The following PLPPR2 variants were observed in gnomAD, a reference collection of about 807,000 sequenced individuals.
PLPPR2 encodes the protein phospholipid phosphatase related 2, also known as phospholipid phosphatase-related protein type 2.
In PLPPR2, 11 loss-of-function variants were observed where a neutral mutation model predicts 40.3. The ratio of observed to expected loss-of-function variants is 0.27; its 90% confidence interval spans 0.17 to 0.45. PLPPR2 has a LOEUF of 0.45. Among genes scored for constraint, PLPPR2 ranks in the 20% least tolerant of loss-of-function variants. The probability of loss-of-function intolerance (pLI) is 1.00; values close to 1 mark genes in which losing one functional copy is unlikely to be tolerated. For synonymous variants in PLPPR2, 260 were observed against 290.8 expected (o/e 0.89, Z 1.08); for missense variants, 497 against 640.7 (o/e 0.78, Z 2.42).
Position 11,364,940 on chromosome 19 carries a change from T to G in PLPPR2, c.*250T>G. The G allele has an allele frequency of 1.8e-6, 1 of 548,960 alleles. No homozygotes were observed. Among genetic ancestry groups the G allele is most frequent in the Non-Finnish European group, 3.2e-6 (1 of 313,662 alleles). 34.0% of individuals were successfully genotyped at this position (548,960 alleles called of 1,614,324 possible). A position where few individuals can be genotyped will look rare whatever the true frequency, so the allele number is the denominator to read the frequency against. ...TTTTAAGGGCCAAAGCTTGACCCCA[T>G]TGGCCATTGCCTGGCTAATGAGAAC... On this transcript the variant is annotated 3_prime_UTR_variant, in exon 10 of 10. Coordinates refer to ENST00000688289, the MANE Select transcript of PLPPR2 (RefSeq NM_001393892.1). This position sits in a 1 kb window ranked among gnomAD's most constrained non-coding sequence, Gnocchi z 5.8.
At chr19:11,360,729 A>C (rs549429642) in intron 5 of PLPPR2, among the ~76,000 whole-genome samples, 1 of 152,036 alleles carries the variant, frequency 6.6e-6, no homozygotes, top group African/African-American at 2.4e-5. Context: ...GCTGTGGGAA[A>C]GGGGGAGGGG....
At position 11,362,488 on chromosome 19, in the gene PLPPR2, C is replaced by T. The variant is rs1457893160; in HGVS notation, c.664-25C>T. On this transcript the variant is annotated intron_variant, in intron 6 of 9. Coordinates refer to ENST00000688289, the MANE Select transcript of PLPPR2 (RefSeq NM_001393892.1). The surrounding 1 kb of genome is among the most constrained non-coding windows in gnomAD (Gnocchi z 5.3). ...GTTCGGCGACTTGCCTCCGCTATCC[C>T]CCTGACCAGTCCGGCTCCCCGCAGA... 1.2e-6 allele frequency: 2 copies of T among 1,607,032 alleles called. No homozygotes were observed. The highest frequency in any genetic ancestry group is 1.7e-6 in the Non-Finnish European group (2 of 1,179,940).
At chr19:11,360,345 G>A (rs906503662) in intron 5 of PLPPR2, among the ~76,000 whole-genome samples, 2 of 151,596 alleles carry the variant, frequency 1.3e-5, no homozygotes, top group African/African-American at 2.4e-5. Context: ...GTACATGCCT[G>A]TAGCCCCAGC....
At position 11,362,507 on chromosome 19, in the gene PLPPR2, C is replaced by T; in HGVS notation, c.664-6C>T. The T allele has an allele frequency of 6.2e-7, 1 of 1,609,104 alleles. No homozygotes were observed. Among genetic ancestry groups the T allele is most frequent in the Non-Finnish European group, 8.5e-7 (1 of 1,179,960 alleles). On this transcript the variant is annotated splice_polypyrimidine_tract_variant and splice_region_variant and intron_variant, in intron 6 of 9. Coordinates refer to ENST00000688289, the MANE Select transcript of PLPPR2 (RefSeq NM_001393892.1). This position sits in a 1 kb window ranked among gnomAD's most constrained non-coding sequence, Gnocchi z 5.3. ...CTATCCCCCTGACCAGTCCGGCTCC[C>T]CGCAGATGTACGTGACTCTCGTGTT...
Position 11,362,828 on chromosome 19 carries a change from T to A in PLPPR2, c.840+139T>A. The A allele has an allele frequency of 1.0e-6, 1 of 993,224 alleles. No individual in the cohort carries two copies. The highest frequency in any genetic ancestry group is 1.4e-6 in the Non-Finnish European group (1 of 697,000). The allele number at this position is 993,224 out of a possible 1,614,324, so 61.5% of individuals were successfully genotyped here. A position where few individuals can be genotyped will look rare whatever the true frequency, so the allele number is the denominator to read the frequency against. On this transcript the variant is annotated intron_variant, in intron 7 of 9. Transcript: ENST00000688289. This position sits in a 1 kb window ranked among gnomAD's most constrained non-coding sequence, Gnocchi z 5.3. ...CCCTTAACATTACCCTTCCTGGATATTCTCATCTGTGAAATGAGATACCAG... is the reference window on the plus strand; with the variant it reads ...CCCTTAACATTACCCTTCCTGGATAATCTCATCTGTGAAATGAGATACCAG...
At position 11,364,040 on chromosome 19, in the gene PLPPR2, G is replaced by A; in HGVS notation, c.964-121G>A. On this transcript the variant is annotated intron_variant, in intron 8 of 9. Transcript: ENST00000688289. This position sits in a 1 kb window ranked among gnomAD's most constrained non-coding sequence, Gnocchi z 5.8. ...CCCGTCTTCTTCCCAGGGGGACACG[G>A]TTAATCATGAGAACTGTGGTTGTCT... 7.1e-7 allele frequency: 1 copy of A among 1,412,796 alleles called. No homozygotes were observed. The highest frequency in any genetic ancestry group is 9.6e-7 in the Non-Finnish European group (1 of 1,037,094). The allele number at this position is 1,412,796 out of a possible 1,614,324, so 87.5% of individuals were successfully genotyped here. A position where few individuals can be genotyped will look rare whatever the true frequency, so the allele number is the denominator to read the frequency against.
Position 11,363,921 on chromosome 19 carries a change from T to C in PLPPR2, c.963+86T>C, listed in dbSNP as rs1599408441. 1 of 1,488,516 alleles carries C rather than the reference T, an allele frequency of 6.7e-7. No individual in the cohort carries two copies. Among genetic ancestry groups the C allele is most frequent in the Non-Finnish European group, 9.1e-7 (1 of 1,104,276 alleles). The allele number at this position is 1,488,516 out of a possible 1,614,324, so 92.2% of individuals were successfully genotyped here. ...GACAGGAAGGAAGTCAGGCAAGAGG[T>C]GGGGGTCTCAGAACCATGGGGAAGT... On this transcript the variant is annotated intron_variant, in intron 8 of 9. Coordinates refer to ENST00000688289, the MANE Select transcript of PLPPR2 (RefSeq NM_001393892.1). The surrounding 1 kb of genome is among the most constrained non-coding windows in gnomAD (Gnocchi z 4.8).
In PLPPR2 at chr19:11,363,721, C is replaced by T. The variant is rs149563203; in HGVS notation, c.849C>T (p.Cys283=). Residue 283 remains cysteine, a synonymous_variant, in exon 8 of 10, where the codon TGC becomes TGT. Transcript: ENST00000688289. The surrounding 1 kb of genome is among the most constrained non-coding windows in gnomAD (Gnocchi z 4.8). The part of the protein sequence containing the change: ...GAAIATFLVT[C]VVHNFQSRPP... ...CTCTCCCTCTATTCCAGGTCACCTG[C>T]GTTGTGCATAACTTTCAGAGCCGGC... 2.2e-5 allele frequency: 36 copies of T among 1,613,680 alleles called. No homozygotes were observed. The African/African-American group carries it at 2.8e-4, about 13-fold the overall frequency.
At position 11,364,532 on chromosome 19, in the gene PLPPR2, C is replaced by T; in HGVS notation, c.1201C>T (p.Pro401Ser). The T allele has an allele frequency of 6.5e-7, 1 of 1,535,544 alleles. No homozygotes were observed. The highest frequency in any genetic ancestry group is 8.7e-7 in the Non-Finnish European group (1 of 1,145,936). ...GGGCCCCTCGCCTTCCTCCCCTGGA[C>T]CTGGGGGGCCAGGCGGGGGTGGTGG... The part of the protein sequence containing the change: ...SQGPSPSSPG[P>S]GGPGGGGGRG... Residue 401 changes from proline to serine, a missense_variant, in exon 10 of 10, where the codon CCT (proline) becomes TCT (serine). Pro to Ser is a moderately conservative substitution (Grantham distance 74). Transcript: ENST00000688289. This position sits in a 1 kb window ranked among gnomAD's most constrained non-coding sequence, Gnocchi z 5.8.
Position 11,362,339 on chromosome 19 carries a change from T to C in PLPPR2, c.664-174T>C. 2.0e-6 allele frequency: 1 copy of C among 504,834 alleles called. No individual in the cohort carries two copies. The allele number at this position is 504,834 out of a possible 1,614,324, so 31.3% of individuals were successfully genotyped here. A position where few individuals can be genotyped will look rare whatever the true frequency, so the allele number is the denominator to read the frequency against. ...CCCTGACCCCCCCCCCTTTGCCTTT[T>C]TGGTCACGCTCCCTGGAAAAGCCCA... On this transcript the variant is annotated intron_variant, in intron 6 of 9. Transcript: ENST00000688289. This position sits in a 1 kb window ranked among gnomAD's most constrained non-coding sequence, Gnocchi z 5.3.
intron 2 of PLPPR2, among the ~76,000 whole-genome samples, chr19:11,357,413 C>A (rs967950401): frequency 2.6e-5 from 4 of 152,028 alleles, no homozygotes; most frequent in South Asian, 2.1e-4. Context: ...AGGAAGGGAC[C>A]CCCGTAGACT....
rs1444408319 is a variant in PLPPR2, at chr19:11,362,782, T to G, written c.840+93T>G. 1 of 1,391,236 alleles carries G rather than the reference T, an allele frequency of 7.2e-7. No individual in the cohort carries two copies. The highest frequency in any genetic ancestry group is 9.8e-7 in the Non-Finnish European group (1 of 1,024,692). The allele number at this position is 1,391,236 out of a possible 1,614,324, so 86.2% of individuals were successfully genotyped here. On this transcript the variant is annotated intron_variant, in intron 7 of 9. Coordinates refer to ENST00000688289, the MANE Select transcript of PLPPR2 (RefSeq NM_001393892.1). This position sits in a 1 kb window ranked among gnomAD's most constrained non-coding sequence, Gnocchi z 5.3. ...CCACATGATGGAGAAGGGTGTGGAC[T>G]CTGTGTGACCTTGGGCCAATCCCTT... is the stretch of plus-strand genomic sequence containing the variant.
intron 3 of PLPPR2, among the ~76,000 whole-genome samples, chr19:11,358,882 T>C (rs569389946): frequency 5.4e-4 from 82 of 152,074 alleles, no homozygotes; most frequent in African/African-American, 2.0e-3. Context: ...ACCCAGCTAA[T>C]TTTTGTATTT....
rs1366791038 is a variant in PLPPR2, at chr19:11,361,464, C to T, written c.639C>T (p.Cys213=). 1 of 1,601,608 alleles carries T rather than the reference C, an allele frequency of 6.2e-7. No homozygotes were observed. The highest frequency in any genetic ancestry group is 8.5e-7 in the Non-Finnish European group (1 of 1,178,568). ...RAFPCKDAAL[C]AYAVTYTAMY... ...TCCCCTGCAAGGATGCGGCCCTCTG[C>T]GCCTACGCGGTCACCTACACAGCGG... Residue 213 remains cysteine, a synonymous_variant, in exon 6 of 10, where the codon TGC becomes TGT. Transcript: ENST00000688289. The surrounding 1 kb of genome is among the most constrained non-coding windows in gnomAD (Gnocchi z 6.3).
In PLPPR2 at chr19:11,361,402, G is replaced by A. The variant is rs1465092656; in HGVS notation, c.577G>A (p.Gly193Ser). 1 of 1,609,664 alleles carries A rather than the reference G, an allele frequency of 6.2e-7. No individual in the cohort carries two copies. Among genetic ancestry groups the A allele is most frequent in the Non-Finnish European group, 8.5e-7 (1 of 1,179,740 alleles). Residue 193 changes from glycine (G) to serine (S), a missense_variant, in exon 6 of 10, where the codon GGC (glycine) becomes AGC (serine). Physicochemically the swap from Gly to Ser is moderately conservative, Grantham distance 56. Coordinates refer to ENST00000688289, the MANE Select transcript of PLPPR2 (RefSeq NM_001393892.1). This position sits in a 1 kb window ranked among gnomAD's most constrained non-coding sequence, Gnocchi z 6.3. Reference protein sequence around the residue: ...RFVTDQGACAGSPSLVAAARR... With the variant: ...RFVTDQGACASSPSLVAAARR... ...TGTCACTGACCAGGGTGCCTGCGCT[G>A]GCAGTCCCAGCCTCGTGGCCGCCGC...
chr19:11,359,349 C>G lies in PLPPR2; in HGVS notation c.67-183C>G, dbSNP rs893919780. On this transcript the variant is annotated intron_variant, in intron 3 of 9. Transcript: ENST00000688289. This position sits in a 1 kb window ranked among gnomAD's most constrained non-coding sequence, Gnocchi z 5.6. ...GTTTCTCCTAAGCCCTGACCCTTCT[C>G]TCACCTCCTTTCCCCATTTCTCTCA... 3.5e-5 allele frequency: 18 copies of G among 521,534 alleles called. No homozygotes were observed. Among genetic ancestry groups the G allele is most frequent in the Admixed American group, 3.9e-5 (1 of 25,772 alleles). The allele number at this position is 521,534 out of a possible 1,614,324, so 32.3% of individuals were successfully genotyped here.
intron 2 of PLPPR2, among the ~76,000 whole-genome samples, chr19:11,357,203 C>T (rs1967911187): frequency 6.6e-6 from 1 of 152,026 alleles, no homozygotes; most frequent in Non-Finnish European, 1.5e-5. Context: ...GGGGCCCCTG[C>T]AGAGGCCATG....
chr19:11,364,819 G>A lies in PLPPR2; in HGVS notation c.*129G>A. On this transcript the variant is annotated 3_prime_UTR_variant, in exon 10 of 10. Coordinates refer to ENST00000688289, the MANE Select transcript of PLPPR2 (RefSeq NM_001393892.1). The surrounding 1 kb of genome is among the most constrained non-coding windows in gnomAD (Gnocchi z 5.8). ...AGCCAGACCCAGACATTAGAAGATG[G>A]CTAGAAGGACATTTAGGAGACATCT... 1.9e-6 allele frequency: 2 copies of A among 1,056,462 alleles called. No individual in the cohort carries two copies. Among genetic ancestry groups the A allele is most frequent in the Non-Finnish European group, 2.7e-6 (2 of 732,328 alleles). The allele number at this position is 1,056,462 out of a possible 1,614,324, so 65.4% of individuals were successfully genotyped here.
chr19:11,359,448 T>C lies in PLPPR2; in HGVS notation c.67-84T>C. 7.0e-6 allele frequency: 9 copies of C among 1,287,498 alleles called. No homozygotes were observed. The allele number at this position is 1,287,498 out of a possible 1,614,324, so 79.8% of individuals were successfully genotyped here. On this transcript the variant is annotated intron_variant, in intron 3 of 9. Coordinates refer to ENST00000688289, the MANE Select transcript of PLPPR2 (RefSeq NM_001393892.1). This position sits in a 1 kb window ranked among gnomAD's most constrained non-coding sequence, Gnocchi z 5.6. Reference sequence around the variant, plus strand: ...TCTAACCCATGTTTCTCCATCTCTGTATCTCTGCCTCTGTGGCCTCAGCTG... The same window carrying C: ...TCTAACCCATGTTTCTCCATCTCTGCATCTCTGCCTCTGTGGCCTCAGCTG...
Sources: allele counts gnomAD v4.1 joint callset (sites outside exome capture counted in the v4.1 genomes callset), GRCh38; gene constraint gnomAD v4.1.1; non-coding constraint Gnocchi (gnomAD v3.1); transcripts MANE v1.5; gene names NCBI Gene and HGNC (gene_info 2026-07-23, HGNC 2026-07-21).